Variants in NOP58 observed in about 807,000 individuals in gnomAD.
The protein encoded by NOP58 is nucleolar protein 58.
NOP58 carries 44 observed loss-of-function variants against 71.2 expected under a neutral mutation model. The observed-to-expected ratio is 0.62, with a 90% CI of 0.49 to 0.79. NOP58 has a LOEUF of 0.79. Ranked by LOEUF, NOP58 falls within the 30% of genes least tolerant of loss-of-function variation. The pLI is 0.00. For missense variants in NOP58, 538 were observed against 620.2 expected, an observed-to-expected ratio of 0.87 and a Z score of 1.41; for synonymous variants, 228 against 200.3, an observed-to-expected ratio of 1.14 and a Z score of -1.17.
chr2:202,285,163 T>C (rs1305697522), intron 5 of NOP58, among the ~76,000 whole-genome samples: 1 of 151,964 alleles, frequency 6.6e-6, no homozygotes, highest in African/African-American at 2.4e-5. Context: ...TGCCTCAGCC[T>C]CCGAGTAGCT....
chr2:202,285,815 G>C (rs1299593486), intron 5 of NOP58, among the ~76,000 whole-genome samples: 1 of 152,162 alleles, frequency 6.6e-6, no homozygotes, highest in Non-Finnish European at 1.5e-5. Context: ...CTCAAAACCT[G>C]TGCAACTTTG....
Position 202,284,351 on chromosome 2 carries a change from C to G in NOP58, c.304C>G (p.Leu102Val). ...AKLGGVIKEK[L>V]NLSCIHSPVV... The stretch of plus-strand genomic sequence containing the variant: ...GATGTTCATGTTCTTGTAGGAAAAG[C>G]TGAATCTCAGTTGTATCCATAGTCC... Residue 102 changes from leucine (L) to valine (V), a missense_variant, in exon 5 of 15, where the codon CTG becomes GTG. Physicochemically the swap from Leu to Val is conservative, Grantham distance 32 (BLOSUM62 1). Transcript: ENST00000264279. The G allele has an allele frequency of 6.3e-7, 1 of 1,599,882 alleles. No homozygotes were observed. Among genetic ancestry groups the G allele is most frequent in the Non-Finnish European group, 8.5e-7 (1 of 1,173,896 alleles).
At chr2:202,303,228 A>C (rs577853699) in intron 14 of NOP58, among the ~76,000 whole-genome samples, 158 bp from the exon 15 acceptor site, 3 of 152,338 alleles carry the variant, frequency 2.0e-5, no homozygotes, top group Non-Finnish European at 4.4e-5. Context: ...CATTTCCCAA[A>C]TCTAGAATTT....
rs548159461 is a variant in NOP58, at chr2:202,293,444, A to G, written c.907+541A>G. Among the ~76,000 whole-genome samples the G allele has an allele frequency of 4.7e-4, 72 of 152,388 alleles. 1 individual carries two copies. The highest frequency in any genetic ancestry group is 1.7e-3 in the African/African-American group (69 of 41,598). On this transcript the variant is annotated intron_variant, in intron 9 of 14. Transcript: ENST00000264279. The stretch of plus-strand genomic sequence containing the variant: ...GGCAGTATTATAAGGATGATATGCT[A>G]TAATTAAAATGCTATGTAATTGAAT...
intron 5 of NOP58, among the ~76,000 whole-genome samples, chr2:202,287,130 C>T (rs1013960961): frequency 2.8e-5 from 4 of 145,232 alleles, no homozygotes; most frequent in African/African-American, 5.1e-5. Context: ...TACAGTGGCA[C>T]GTGATCTCGG....
chr2:202,285,023 GTTTT>G (rs1227884924), intron 5 of NOP58, among the ~76,000 whole-genome samples: 1 of 151,946 alleles, frequency 6.6e-6, no homozygotes, highest in Middle Eastern at 3.4e-3. Context: ...CTCTCTCTGT[GTTTT>G]TTTGTTTGTT....
At chr2:202,280,078 A>G (rs1037658559) in intron 3 of NOP58, among the ~76,000 whole-genome samples, 13 of 152,214 alleles carry the variant, frequency 8.5e-5, no homozygotes, top group African/African-American at 2.9e-4. Flanking sequence ...ACATCAGCTA[A>G]TTAAGAAAGC....
At position 202,300,217 on chromosome 2, in the gene NOP58, CT is replaced by C; in HGVS notation, c.1269-12del. ...GATACTTGTTAGAGATTTTCTAAAA[CT>C]TTTTGGGTCTTTCAGTGAAGTGAAG... is the stretch of plus-strand genomic sequence containing the variant. On this transcript the variant is annotated splice_polypyrimidine_tract_variant and intron_variant, in intron 12 of 14. Transcript: ENST00000264279. 1.3e-6 allele frequency: 2 copies of C among 1,568,052 alleles called. No individual in the cohort carries two copies. Among genetic ancestry groups the C allele is most frequent in the Non-Finnish European group, 1.7e-6 (2 of 1,167,212 alleles).
intron 1 of NOP58, among the ~76,000 whole-genome samples, chr2:202,272,610 A>T (rs1688528987): frequency 2.0e-5 from 3 of 152,224 alleles, no homozygotes; most frequent in Admixed American, 2.0e-4. Context: ...TATATCATGA[A>T]GTTTTAGAAT....
rs1425293469 is a variant in NOP58, at chr2:202,302,909, T to TAC, written c.1403-11_1403-10dup. The TAC allele has an allele frequency of 6.3e-7, 1 of 1,599,858 alleles. No homozygotes were observed. Among genetic ancestry groups the TAC allele is most frequent in the Admixed American group, 1.7e-5 (1 of 59,572 alleles). Reference sequence around the variant, plus strand: ...TGTTAATTTGTTGTGCCTTTACACTTACCCTATTCAGTTGAAGAAGAGGAA... The same window carrying TAC: ...TGTTAATTTGTTGTGCCTTTACACTTACACCCTATTCAGTTGAAGAAGAGGAA... On this transcript the variant is annotated splice_polypyrimidine_tract_variant and intron_variant, in intron 13 of 14. Transcript: ENST00000264279.
chr2:202,287,687 C>T lies in NOP58; in HGVS notation c.462C>T (p.Ser154=), dbSNP rs771516762. 12 of 1,612,848 alleles carry T rather than the reference C, an allele frequency of 7.4e-6. No homozygotes were observed. Among genetic ancestry groups the T allele is most frequent in the Middle Eastern group, 1.6e-4 (1 of 6,074 alleles). Residue 154 remains serine, a synonymous_variant, in exon 6 of 15, where the codon AGC becomes AGT. Coordinates refer to ENST00000264279, the MANE Select transcript of NOP58 (RefSeq NM_015934.5). ...HSLSRYRLKF[S]ADKVDTMIVQ... ...TGTCTCGATATAGATTGAAGTTTAG[C>T]GCTGATAAAGTAGACACAATGATTG...
At chr2:202,290,486 T>C (rs762108975) in intron 7 of NOP58, 29 bp downstream of exon 7, 5 of 1,575,300 alleles carry the variant, frequency 3.2e-6, no homozygotes, top group Non-Finnish European at 3.5e-6. Flanking sequence ...CTTTAAGGCA[T>C]TGAAAGTAAA....
chr2:202,280,176 T>C (rs1373501224), intron 3 of NOP58, among the ~76,000 whole-genome samples: 2 of 152,138 alleles, frequency 1.3e-5, no homozygotes, highest in African/African-American at 4.8e-5. Flanking sequence ...GCTGTAAATG[T>C]CACAGTGTAC....
chr2:202,296,264 C>T (rs1254733032), intron 10 of NOP58, among the ~76,000 whole-genome samples: 2 of 152,014 alleles, frequency 1.3e-5, no homozygotes, highest in African/African-American at 2.4e-5. Flanking sequence ...GGCTTGATCT[C>T]GGCTCACTGC....
Position 202,290,318 on chromosome 2 carries a change from T to G in NOP58, c.500-5T>G, listed in dbSNP as rs765057520. 11 of 1,594,824 alleles carry G rather than the reference T, an allele frequency of 6.9e-6. No homozygotes were observed. Among genetic ancestry groups the G allele is most frequent in the Middle Eastern group, 1.7e-4 (1 of 6,022 alleles). ...TTTTGTTTGTTTGTTTTTAATCTACTACAGCCTTGTTAGATGACTTGGATA... is the reference window on the plus strand; with the variant it reads ...TTTTGTTTGTTTGTTTTTAATCTACGACAGCCTTGTTAGATGACTTGGATA... On this transcript the variant is annotated splice_polypyrimidine_tract_variant and splice_region_variant and intron_variant, in intron 6 of 14. Coordinates refer to ENST00000264279, the MANE Select transcript of NOP58 (RefSeq NM_015934.5).
At chr2:202,277,348 C>T (rs1390749837) in intron 2 of NOP58, among the ~76,000 whole-genome samples, 1 of 150,034 alleles carries the variant, frequency 6.7e-6, no homozygotes, top group Non-Finnish European at 1.5e-5. Context: ...GGCACAGGCA[C>T]ATGCCTGTAA....
At chr2:202,291,968 CTTTTTTTTTTTTTTTTTTT>C (rs869075798) in intron 8 of NOP58, among the ~76,000 whole-genome samples, 10,611 of 43,930 alleles carry the variant, frequency 0.24, 640 homozygotes, top group Non-Finnish European at 0.3. Context: ...TGCTCAGAAT[CTTTTTTTTTTTTTTTTTTT>C]TTTTTTTTTT....
intron 3 of NOP58, among the ~76,000 whole-genome samples, chr2:202,280,687 T>C (rs1688686882): frequency 6.6e-6 from 1 of 152,000 alleles, no homozygotes; most frequent in Admixed American, 6.6e-5. Flanking sequence ...GATGTTGAAT[T>C]TGTATTGGTC....
intron 4 of NOP58, among the ~76,000 whole-genome samples, chr2:202,283,210 C>G (rs1688734281): frequency 6.6e-6 from 1 of 152,092 alleles, no homozygotes; most frequent in African/African-American, 2.4e-5. Flanking sequence ...TGCCACCATG[C>G]TGGCTAATTA....
Sources: allele counts gnomAD v4.1 joint callset (sites outside exome capture counted in the v4.1 genomes callset), GRCh38; gene constraint gnomAD v4.1.1; transcripts MANE v1.5; gene names NCBI Gene and HGNC (gene_info 2026-07-23, HGNC 2026-07-21).